NRIP3: variants seen among roughly 807,000 people sequenced by gnomAD.
NRIP3 encodes the protein nuclear receptor interacting protein 3.
NRIP3 carries 31 observed loss-of-function variants against 29.0 expected under a neutral mutation model. That is an observed-to-expected ratio of 1.07 (90% confidence interval 0.80 to 1.44). The LOEUF is 1.44. Among genes scored for constraint, NRIP3 ranks in the 40% most tolerant of loss-of-function variants. NRIP3 has a pLI of 0.00. For synonymous variants in NRIP3, 131 were observed against 118.3 expected, an observed-to-expected ratio of 1.11 and a Z score of -0.70; for missense variants, 314 against 297.9, an observed-to-expected ratio of 1.05 and a Z score of -0.40.
At chr11:9,002,842 C>T (rs559059364) in intron 1 of NRIP3, among the ~76,000 whole-genome samples, 4 of 152,306 alleles carry the variant, frequency 2.6e-5, no homozygotes, top group African/African-American at 9.6e-5. Context: ...AGAAAACAAT[C>T]AAACTACAAG....
rs1854549730 is a variant in NRIP3 at position 8,988,296 on chromosome 11, A to G, written c.175-14T>C. On this transcript the variant is annotated splice_polypyrimidine_tract_variant and intron_variant, in intron 1 of 6. Coordinates refer to ENST00000309166, the MANE Select transcript of NRIP3 (RefSeq NM_020645.3). ...ATTATGAGGTTGCTTGAGGGATAGA[A>G]AGCAGAGACTTCTTAGTGACAGGCC... 1 of 1,610,182 alleles carries G rather than the reference A, an allele frequency of 6.2e-7. No individual in the cohort carries two copies. The highest frequency in any genetic ancestry group is 8.5e-7 in the Non-Finnish European group (1 of 1,177,284).
chr11:9,003,419 G>A (rs1013946855), intron 1 of NRIP3, among the ~76,000 whole-genome samples: 1 of 152,194 alleles, frequency 6.6e-6, no homozygotes, highest in Admixed American at 6.5e-5. Flanking sequence ...ACACAGCATA[G>A]GAGGCACAAG....
chr11:8,987,813 G>T (rs1854541237), intron 2 of NRIP3, among the ~76,000 whole-genome samples, 183 bp from the exon 3 acceptor site: 1 of 152,174 alleles, frequency 6.6e-6, no homozygotes, highest in Non-Finnish European at 1.5e-5. Context: ...TGTTCCTGCT[G>T]AATCCAGAGC....
intron 1 of NRIP3, among the ~76,000 whole-genome samples, chr11:8,996,521 T>A (rs1167520935): frequency 1.3e-5 from 2 of 152,140 alleles, no homozygotes; most frequent in Non-Finnish European, 2.9e-5. Context: ...CCTCAGGTGA[T>A]CCACTTGCCT....
chr11:8,992,121 C>A lies in NRIP3; in HGVS notation c.175-3839G>T, dbSNP rs530893724. Among the ~76,000 whole-genome samples the A allele has an allele frequency of 6.6e-5, 10 of 152,304 alleles. No homozygotes were observed. In the East Asian group the frequency reaches 9.6e-4, roughly 15 times the overall value. On this transcript the variant is annotated intron_variant, in intron 1 of 6. Transcript: ENST00000309166. Reference sequence around the variant, plus strand: ...ATATATTTGCATCTAGCTGTAAAAGCAGTTGTACTACTCAAACTAAAATTA... The same window carrying A: ...ATATATTTGCATCTAGCTGTAAAAGAAGTTGTACTACTCAAACTAAAATTA...
chr11:9,003,727 C>A (rs1854855198), intron 1 of NRIP3, 35 bp downstream of exon 1: 1 of 1,372,504 alleles, frequency 7.3e-7, no homozygotes. Flanking sequence ...CGCGAAGCCG[C>A]CGGGGCCGGG....
At chr11:8,989,297 C>T (rs765475580) in intron 1 of NRIP3, among the ~76,000 whole-genome samples, 13 of 152,150 alleles carry the variant, frequency 8.5e-5, no homozygotes, top group Non-Finnish European at 1.3e-4. Context: ...TCTTATGTCC[C>T]GGCTACAATA....
Position 8,983,463 on chromosome 11 carries a change from G to T in NRIP3, c.*82C>A. ...ACTTGGTCCACAGCAAGTCACTACG[G>T]CATTTGGTTCAAACCCAGTTTTCTC... On this transcript the variant is annotated 3_prime_UTR_variant, in exon 7 of 7. Transcript: ENST00000309166. 3.0e-6 allele frequency: 4 copies of T among 1,348,418 alleles called. No homozygotes were observed. Among genetic ancestry groups the T allele is most frequent in the Non-Finnish European group, 4.2e-6 (4 of 954,016 alleles). The allele number at this position is 1,348,418 out of a possible 1,614,324, so 83.5% of individuals were successfully genotyped here.
rs372049269 is a variant in NRIP3 at position 8,984,071 on chromosome 11, C to T, written c.615+1G>A. Reference sequence around the variant, plus strand: ...CAAGGGGTAAGTGGAGTCAATCTTACCTTCAGAGATCGGAGAGTCTGTAGA... The same window carrying T: ...CAAGGGGTAAGTGGAGTCAATCTTATCTTCAGAGATCGGAGAGTCTGTAGA... On this transcript the variant is annotated splice_donor_variant, in intron 5 of 6. Coordinates refer to ENST00000309166, the MANE Select transcript of NRIP3 (RefSeq NM_020645.3). LOFTEE classifies it high-confidence loss of function. 6.2e-6 allele frequency: 10 copies of T among 1,612,492 alleles called. No individual in the cohort carries two copies. In the South Asian group the frequency reaches 1.1e-4, roughly 18 times the overall value.
intron 1 of NRIP3, among the ~76,000 whole-genome samples, chr11:9,001,030 G>T (rs1014174536): frequency 2.0e-5 from 3 of 152,004 alleles, no homozygotes; most frequent in Non-Finnish European, 4.4e-5. Flanking sequence ...GACTGCAGCT[G>T]CATTCCAGCC....
Position 8,984,111 on chromosome 11 carries a change from T to A in NRIP3, c.576A>T (p.Lys192Asn), listed in dbSNP as rs758698120. 5 of 1,612,454 alleles carry A rather than the reference T, an allele frequency of 3.1e-6. No homozygotes were observed. The East Asian group carries it at 1.1e-4, about 36-fold the overall frequency. ...CPAAVVDDNE[K>N]NLSLGLQTLR... ...GAGTCTGTAGACCAAGGGACAAGTT[T>A]TTCTCATTGTCATCTAATAAAAACA... Residue 192 changes from lysine (K) to asparagine (N), a missense_variant, in exon 5 of 7, where the codon AAA becomes AAT. Physicochemically the swap from Lys to Asn is moderately conservative, Grantham distance 94 (BLOSUM62 0). Coordinates refer to ENST00000309166, the MANE Select transcript of NRIP3 (RefSeq NM_020645.3).
chr11:8,998,704 T>G (rs1854748700), intron 1 of NRIP3, among the ~76,000 whole-genome samples: 1 of 152,032 alleles, frequency 6.6e-6, no homozygotes. Flanking sequence ...GTTACTTATC[T>G]TCTTCTAGAA....
intron 1 of NRIP3, among the ~76,000 whole-genome samples, chr11:8,993,925 C>T (rs1240682736): frequency 6.6e-6 from 1 of 151,834 alleles, no homozygotes. Flanking sequence ...CAAGCAACAG[C>T]TTTAAATTTT....
At chr11:8,991,359 T>C (rs895059232) in intron 1 of NRIP3, among the ~76,000 whole-genome samples, 6 of 152,206 alleles carry the variant, frequency 3.9e-5, no homozygotes, top group African/African-American at 1.4e-4. Flanking sequence ...TCTTTGATAA[T>C]TAAAAAGTAC....
rs966118825 is a variant in NRIP3, at chr11:8,988,216, G to T, written c.241C>A (p.Arg81Ser). ...TNLSKLRSGP[R>S]VPWASKTNKL... ...TTCGTCTTAGAGGCCCAAGGGACAC[G>T]GGGACCGCTTCGGAGCTTAGACAGG... Residue 81 changes from arginine (R) to serine (S), a missense_variant, in exon 2 of 7, where the codon CGT becomes AGT. Transcript: ENST00000309166. 6.2e-7 allele frequency: 1 copy of T among 1,614,082 alleles called. No individual in the cohort carries two copies. The highest frequency in any genetic ancestry group is 1.7e-5 in the Admixed American group (1 of 60,016).
At chr11:8,998,886 T>A (rs1854754246) in intron 1 of NRIP3, among the ~76,000 whole-genome samples, 1 of 142,488 alleles carries the variant, frequency 7.0e-6, no homozygotes, top group Non-Finnish European at 1.5e-5. Flanking sequence ...CTCCGCCTCC[T>A]GGGTTCACAC....
chr11:8,988,588 G>T (rs984046707), intron 1 of NRIP3, among the ~76,000 whole-genome samples: 2 of 152,178 alleles, frequency 1.3e-5, no homozygotes, highest in Non-Finnish European at 2.9e-5. Flanking sequence ...ACTAACCTAG[G>T]CCTGCTACCT....
chr11:9,002,467 A>T (rs1042531288), intron 1 of NRIP3, among the ~76,000 whole-genome samples: 7 of 152,112 alleles, frequency 4.6e-5, no homozygotes, highest in Non-Finnish European at 1.0e-4. Flanking sequence ...TAAAAAAAAC[A>T]GAGCAAGATA....
rs1854443290 is a variant in NRIP3 at position 8,982,853 on chromosome 11, T to C, written c.*692A>G. 1 of 380,628 alleles carries C rather than the reference T, an allele frequency of 2.6e-6. No homozygotes were observed. Among genetic ancestry groups the C allele is most frequent in the Non-Finnish European group, 5.1e-6 (1 of 195,254 alleles). 23.6% of individuals were successfully genotyped at this position (380,628 alleles called of 1,614,324 possible). A position where few individuals can be genotyped will look rare whatever the true frequency, so the allele number is the denominator to read the frequency against. ...CCTTTTTTTTTTTTTTTTTAACACATTCTCACCTCTTTGCCCTCCTGTTAA... is the reference window on the plus strand; with the variant it reads ...CCTTTTTTTTTTTTTTTTTAACACACTCTCACCTCTTTGCCCTCCTGTTAA... On this transcript the variant is annotated 3_prime_UTR_variant, in exon 7 of 7. Transcript: ENST00000309166.
Sources: gnomAD v4.1 joint callset for allele counts (sites outside exome capture counted in the v4.1 genomes callset) on GRCh38, gnomAD v4.1.1 for gene constraint, MANE v1.5 for transcripts, NCBI Gene and HGNC (gene_info 2026-07-23, HGNC 2026-07-21) for gene names.